The following GRAMD2A variants were observed in gnomAD, a reference collection of about 807,000 sequenced individuals.
The protein encoded by GRAMD2A is GRAM domain containing 2A, also known as GRAM domain-containing protein 2A.
Under a neutral mutation model 51.1 loss-of-function variants are expected in GRAMD2A, and 37 were observed. The observed-to-expected ratio is 0.72, with a 90% CI of 0.56 to 0.95. The LOEUF (loss-of-function observed/expected upper bound fraction) is 0.95. GRAMD2A is among the 40% of genes least tolerant of loss of function. GRAMD2A has a pLI of 0.00. For synonymous variants in GRAMD2A, 136 were observed against 157.1 expected, an observed-to-expected ratio of 0.87 and a Z score of 1.01; for missense variants, 414 against 426.9, an observed-to-expected ratio of 0.97 and a Z score of 0.27.
rs1458227577 is a variant in GRAMD2A at position 72,170,177 on chromosome 15, T to C, written c.42-238A>G. ...TCCCGAAAGCCAGAAGTTCTGCTTA[T>C]GCCTAGGCTGGGAGGAAAATCAACC... On this transcript the variant is annotated intron_variant, in intron 1 of 11. Transcript: ENST00000309731. This position sits in a 1 kb window ranked among gnomAD's most constrained non-coding sequence, Gnocchi z 4.5. 1.6e-6 allele frequency: 1 copy of C among 634,878 alleles called. No individual in the cohort carries two copies. The highest frequency in any genetic ancestry group is 1.8e-5 in the African/African-American group (1 of 55,800). 39.3% of individuals were successfully genotyped at this position (634,878 alleles called of 1,614,324 possible). A position where few individuals can be genotyped will look rare whatever the true frequency, so the allele number is the denominator to read the frequency against.
At chr15:72,162,096 T>G in intron 11 of GRAMD2A, 84 bp from the exon 12 acceptor site, 1 of 1,560,584 alleles carries the variant, frequency 6.4e-7, no homozygotes, top group Non-Finnish European at 8.8e-7. Context: ...ATAACTTTAC[T>G]TCCCCCAAGA....
At chr15:72,173,728 AGACCAGCCT>A (rs1420146917) in intron 1 of GRAMD2A, 1 of 152,174 alleles carries the variant, frequency 6.6e-6, no homozygotes, top group Admixed American at 6.6e-5. Flanking sequence ...CAGGAGTTCA[AGACCAGCCT>A]GGCCAACATG....
Position 72,163,761 on chromosome 15 carries a change from C to T in GRAMD2A, c.601-4G>A. 1 of 1,608,780 alleles carries T rather than the reference C, an allele frequency of 6.2e-7. No homozygotes were observed. The highest frequency in any genetic ancestry group is 8.5e-7 in the Non-Finnish European group (1 of 1,178,648). ...TCATCTCAGGGATGAGGACTTCCTG[C>T]AGTAAGACAGGAGAAGCTATCTTAC... On this transcript the variant is annotated splice_polypyrimidine_tract_variant and splice_region_variant and intron_variant, in intron 8 of 11. Coordinates refer to ENST00000309731, the MANE Select transcript of GRAMD2A (RefSeq NM_001012642.3).
In GRAMD2A at chr15:72,162,221, TC is replaced by T. The variant is rs758860533; in HGVS notation, c.1061+51del. ...GGCAGCCTGGCCTGAGGTTCTTGGCTCCTGTCCTCAACCCTCAATATCAAAG... is the reference window on the plus strand; with the variant it reads ...GGCAGCCTGGCCTGAGGTTCTTGGCTCTGTCCTCAACCCTCAATATCAAAG... On this transcript the variant is annotated intron_variant, in intron 11 of 11. Transcript: ENST00000309731. The T allele has an allele frequency of 7.5e-6, 11 of 1,460,024 alleles. 1 individual carries two copies. In the Admixed American group the frequency reaches 1.9e-4, roughly 25 times the overall value. 90.4% of individuals were successfully genotyped at this position (1,460,024 alleles called of 1,614,324 possible).
chr15:72,190,377 TA>T (rs916639088), intron 1 of GRAMD2A, among the ~76,000 whole-genome samples: 57 of 144,202 alleles, frequency 4.0e-4, no homozygotes, highest in East Asian at 1.0e-3. Context: ...AGATTCTGTC[TA>T]AAAAAAAAAA....
At chr15:72,187,388 T>C (rs1444097018) in intron 1 of GRAMD2A, among the ~76,000 whole-genome samples, 3 of 150,162 alleles carry the variant, frequency 2.0e-5, no homozygotes, top group African/African-American at 7.4e-5. Context: ...GCCTGGGATG[T>C]TGAGGCTGCA....
intron 1 of GRAMD2A, among the ~76,000 whole-genome samples, chr15:72,190,311 G>A (rs997635347): frequency 2.0e-5 from 3 of 152,138 alleles, no homozygotes; most frequent in Non-Finnish European, 4.4e-5. Flanking sequence ...CCTGGGAGGC[G>A]GAGCTTGCAG....
At position 72,168,502 on chromosome 15, in the gene GRAMD2A, A is replaced by G; in HGVS notation, c.257T>C (p.Val86Ala). 6.2e-7 allele frequency: 1 copy of G among 1,613,076 alleles called. No individual in the cohort carries two copies. Among genetic ancestry groups the G allele is most frequent in the Non-Finnish European group, 8.5e-7 (1 of 1,179,256 alleles). Reference protein sequence around the residue: ...KLFKDVPLEEVVLKVCSCALQ... With the variant: ...KLFKDVPLEEAVLKVCSCALQ... ...GGGAGACAGCTCACCTTTGAGAACC[A>G]CTTCCTCCAAGGGAACATCCTTAAA... The change falls in exon 4 of 12, where the codon GTG (valine) becomes GCG (alanine). Residue 86 changes from valine to alanine, a missense_variant. Physicochemically the swap from Val to Ala is moderately conservative, Grantham distance 64 (BLOSUM62 0). Transcript: ENST00000309731.
chr15:72,197,116 A>G (rs1337263931), intron 1 of GRAMD2A, among the ~76,000 whole-genome samples: 3 of 152,300 alleles, frequency 2.0e-5, no homozygotes, highest in African/African-American at 7.2e-5. Flanking sequence ...CCTTTCTCCC[A>G]GGGCGACTTT....
At chr15:72,184,393 G>A (rs2140557764) in intron 1 of GRAMD2A, among the ~76,000 whole-genome samples, 1 of 152,372 alleles carries the variant, frequency 6.6e-6, no homozygotes, top group Non-Finnish European at 1.5e-5. Flanking sequence ...CTTTGCAGGA[G>A]GCTGGTGGTC....
At chr15:72,191,348 C>T (rs1030186905) in intron 1 of GRAMD2A, among the ~76,000 whole-genome samples, 2 of 152,020 alleles carry the variant, frequency 1.3e-5, no homozygotes, top group Non-Finnish European at 2.9e-5. Flanking sequence ...TACAGGTGCC[C>T]GCCACCATGC....
intron 2 of GRAMD2A, chr15:72,169,296 C>T: frequency 2.0e-6 from 1 of 511,768 alleles, no homozygotes; most frequent in Non-Finnish European, 3.6e-6. Context: ...TGCTGAGGAG[C>T]TTCCCACCTG....
intron 3 of GRAMD2A, 86 bp from the exon 4 acceptor site, chr15:72,168,652 GC>G: frequency 2.7e-6 from 3 of 1,125,244 alleles, no homozygotes; most frequent in Non-Finnish European, 4.1e-6. Context: ...AAATGCCACA[GC>G]CCCCCGGCCC....
At chr15:72,195,778 G>C (rs1251960430) in intron 1 of GRAMD2A, among the ~76,000 whole-genome samples, 1 of 152,006 alleles carries the variant, frequency 6.6e-6, no homozygotes, top group South Asian at 2.1e-4. Context: ...AAATTAGCCG[G>C]GTGTGGTGGC....
rs1167300359 is a variant in GRAMD2A, at chr15:72,166,145, A to T, written c.543+487T>A. 6.6e-6 allele frequency among the ~76,000 whole-genome samples: 1 copy of T among 152,238 alleles called. No individual in the cohort carries two copies. Among genetic ancestry groups the T allele is most frequent in the Non-Finnish European group, 1.5e-5 (1 of 68,046 alleles). On this transcript the variant is annotated intron_variant, in intron 7 of 11. Transcript: ENST00000309731. This position sits in a 1 kb window ranked among gnomAD's most constrained non-coding sequence, Gnocchi z 4.1. ...CGGCCTCCCAAAGTGCTGGGACCAT[A>T]CAGCCATTGTTTTTCACATTCAGTA... is the stretch of plus-strand genomic sequence containing the variant.
At chr15:72,196,851 C>A (rs1262581928) in intron 1 of GRAMD2A, among the ~76,000 whole-genome samples, 2 of 152,184 alleles carry the variant, frequency 1.3e-5, no homozygotes, top group African/African-American at 4.8e-5. Flanking sequence ...CCGCTGGGGT[C>A]CACATCCCTG....
chr15:72,178,498 T>G lies in GRAMD2A; in HGVS notation c.42-8559A>C, dbSNP rs114821731. ...GGCAGGCTTATTATCATCAATGTGC[T>G]GAAACTTGAAGATAAAAGGTAATTT... is the stretch of plus-strand genomic sequence containing the variant. On this transcript the variant is annotated intron_variant, in intron 1 of 11. Transcript: ENST00000309731. 4.5e-3 allele frequency among the ~76,000 whole-genome samples: 689 copies of G among 151,886 alleles called. 4 individuals are homozygous for G. The highest frequency in any genetic ancestry group is 0.016 in the African/African-American group (643 of 41,440).
Position 72,170,032 on chromosome 15 carries a change from C to A in GRAMD2A, c.42-93G>T. On this transcript the variant is annotated intron_variant, in intron 1 of 11. Coordinates refer to ENST00000309731, the MANE Select transcript of GRAMD2A (RefSeq NM_001012642.3). The surrounding 1 kb of genome is among the most constrained non-coding windows in gnomAD (Gnocchi z 4.5). ...ATGCCCATGGCCGCTGCCTCTGGCC[C>A]CCACCCAAGACTGGCCCTGATATTG... is the stretch of plus-strand genomic sequence containing the variant. 1 of 900,164 alleles carries A rather than the reference C, an allele frequency of 1.1e-6. No homozygotes were observed. 55.8% of individuals were successfully genotyped at this position (900,164 alleles called of 1,614,324 possible). A position where few individuals can be genotyped will look rare whatever the true frequency, so the allele number is the denominator to read the frequency against.
chr15:72,188,068 G>A (rs1392501833), intron 1 of GRAMD2A, among the ~76,000 whole-genome samples: 4 of 152,304 alleles, frequency 2.6e-5, no homozygotes, highest in Non-Finnish European at 5.9e-5. Flanking sequence ...GCTGGGCGTG[G>A]TGGCTCATGG....
Sources: allele counts gnomAD v4.1 joint callset (sites outside exome capture counted in the v4.1 genomes callset), GRCh38; gene constraint gnomAD v4.1.1; non-coding constraint Gnocchi (gnomAD v3.1); transcripts MANE v1.5; gene names NCBI Gene and HGNC (gene_info 2026-07-23, HGNC 2026-07-21).